The following MANBA variants were observed in gnomAD, a reference collection of about 807,000 sequenced individuals.
MANBA encodes mannosidase beta.
MANBA carries 83 observed loss-of-function variants against 111.1 expected under a neutral mutation model. The observed-to-expected ratio is 0.75, with a 90% CI of 0.63 to 0.90. The LOEUF (loss-of-function observed/expected upper bound fraction) is 0.90. Among genes scored for constraint, MANBA ranks in the 40% least tolerant of loss-of-function variants. The pLI, the probability that MANBA is intolerant of heterozygous loss-of-function variation, is 0.00. For missense variants in MANBA, 1,036 were observed against 1,069.0 expected, an observed-to-expected ratio of 0.97 and a Z score of 0.43; for synonymous variants, 370 against 378.7, an observed-to-expected ratio of 0.98 and a Z score of 0.27.
chr4:102,660,434 T>C (rs990597397), intron 11 of MANBA, among the ~76,000 whole-genome samples: 4 of 152,146 alleles, frequency 2.6e-5, no homozygotes, highest in Non-Finnish European at 5.9e-5. Context: ...ACTTACATAA[T>C]TAACTTTTTA....
intron 7 of MANBA, among the ~76,000 whole-genome samples, chr4:102,689,348 CAAAAA>C (rs35110858): frequency 1.0e-4 from 13 of 130,470 alleles, no homozygotes; most frequent in African/African-American, 3.5e-4. Flanking sequence ...GACTCTGTCT[CAAAAA>C]AAAAAAATAT....
chr4:102,738,872 A>G (rs1723307723), intron 1 of MANBA, among the ~76,000 whole-genome samples: 1 of 152,210 alleles, frequency 6.6e-6, no homozygotes, highest in African/African-American at 2.4e-5. Flanking sequence ...GATATGAATG[A>G]AAAGGTCTCC....
rs1431359303 is a variant in MANBA, at chr4:102,649,192, T to G, written c.1869+1345A>C. 2.0e-5 allele frequency among the ~76,000 whole-genome samples: 3 copies of G among 152,180 alleles called. No individual in the cohort carries two copies. The East Asian group carries it at 5.8e-4, about 29-fold the overall frequency. ...TAGGTTGTTTCTACTTTGGGGCTAT[T>G]GTGAATAATGCTGCTATGAACATTA... On this transcript the variant is annotated intron_variant, in intron 13 of 16. Coordinates refer to ENST00000647097, the MANE Select transcript of MANBA (RefSeq NM_005908.4).
chr4:102,742,841 G>T (rs1417802615), intron 1 of MANBA, among the ~76,000 whole-genome samples: 4 of 152,236 alleles, frequency 2.6e-5, no homozygotes, highest in African/African-American at 9.6e-5. Flanking sequence ...CCTGCCACCA[G>T]GTAGCTGGCT....
chr4:102,710,836 C>G (rs1230311741), intron 5 of MANBA, among the ~76,000 whole-genome samples: 1 of 152,094 alleles, frequency 6.6e-6, no homozygotes, highest in African/African-American at 2.4e-5. Context: ...GCATCTTGGT[C>G]AGAGAACATG....
intron 5 of MANBA, among the ~76,000 whole-genome samples, chr4:102,694,253 C>A (rs981046766): frequency 6.6e-6 from 1 of 152,102 alleles, no homozygotes; most frequent in African/African-American, 2.4e-5. Context: ...GATCTACAAG[C>A]CTACAAAGTT....
chr4:102,687,197 G>A (rs1283776680), intron 7 of MANBA, among the ~76,000 whole-genome samples: 1 of 151,976 alleles, frequency 6.6e-6, no homozygotes, highest in African/African-American at 2.4e-5. Flanking sequence ...GCCTGCTGAG[G>A]TTATATCCTA....
In MANBA at chr4:102,639,808, C is replaced by G; in HGVS notation, c.1919G>C (p.Ser640Thr). The G allele has an allele frequency of 1.9e-6, 3 of 1,614,134 alleles. No homozygotes were observed. Among genetic ancestry groups the G allele is most frequent in the Admixed American group, 1.7e-5 (1 of 60,010 alleles). The stretch of plus-strand genomic sequence containing the variant: ...TTGCTGATCCACTATCTCGCTGCGA[C>G]TACGGCGGTAGAATTCAGTTTCTGT... ...VKTETEFYRRSRSEIVDQQGH... is the reference protein window; with the variant it reads ...VKTETEFYRRTRSEIVDQQGH... The change falls in exon 14 of 17, where the codon AGT (serine) becomes ACT (threonine). Residue 640 changes from serine (S) to threonine (T), a missense_variant. Transcript: ENST00000647097.
chr4:102,656,826 G>A (rs1483067503), intron 12 of MANBA, among the ~76,000 whole-genome samples: 1 of 152,112 alleles, frequency 6.6e-6, no homozygotes, highest in East Asian at 1.9e-4. Flanking sequence ...AGTCTCAAAA[G>A]ACCACACATT....
chr4:102,756,964 C>T (rs1218737698), intron 1 of MANBA, among the ~76,000 whole-genome samples: 2 of 152,158 alleles, frequency 1.3e-5, no homozygotes, highest in Non-Finnish European at 2.9e-5. Flanking sequence ...TGGCCTCCCA[C>T]AAAATAGGAA....
At chr4:102,670,154 CAAA>C (rs70937560) in intron 9 of MANBA, among the ~76,000 whole-genome samples, 3 of 107,960 alleles carry the variant, frequency 2.8e-5, no homozygotes. Flanking sequence ...GACTCCATAT[CAAA>C]AAAAAAAAAA....
intron 5 of MANBA, among the ~76,000 whole-genome samples, chr4:102,701,106 T>C (rs1432454236): frequency 6.6e-6 from 1 of 152,212 alleles, no homozygotes; most frequent in Non-Finnish European, 1.5e-5. Context: ...CCCTTTACCA[T>C]TATGTAATGG....
intron 12 of MANBA, among the ~76,000 whole-genome samples, chr4:102,654,024 G>A (rs1258877841): frequency 2.0e-5 from 3 of 152,114 alleles, no homozygotes; most frequent in African/African-American, 7.2e-5. Context: ...TTTGCCTGAG[G>A]CCCAAAAGGA....
At chr4:102,706,931 A>G (rs921795278) in intron 5 of MANBA, among the ~76,000 whole-genome samples, 2 of 152,204 alleles carry the variant, frequency 1.3e-5, no homozygotes, top group African/African-American at 4.8e-5. Context: ...GACATATGGA[A>G]TACCATAAAG....
chr4:102,727,933 A>G, intron 1 of MANBA: 1 of 467,016 alleles, frequency 2.1e-6, no homozygotes, highest in Non-Finnish European at 4.0e-6. Flanking sequence ...TTGCAAGCAA[A>G]GTCTACTGAG....
At chr4:102,667,523 CT>C (rs1731280132) in intron 10 of MANBA, 1 of 152,036 alleles carries the variant, frequency 6.6e-6, no homozygotes, top group Admixed American at 6.5e-5. Flanking sequence ...TGAAGACACG[CT>C]GAGTTAGTGT....
chr4:102,728,149 G>A (rs1216924142), intron 1 of MANBA: 4 of 538,832 alleles, frequency 7.4e-6, no homozygotes, highest in East Asian at 1.1e-4. Context: ...TATAGATGGC[G>A]TTTCCTGCTA....
chr4:102,734,658 G>T (rs1019476066), intron 1 of MANBA: 1 of 1,364,274 alleles, frequency 7.3e-7, no homozygotes, highest in South Asian at 1.3e-5. Flanking sequence ...AGAGGGCCTT[G>T]GGGACAGCCC....
intron 4 of MANBA, among the ~76,000 whole-genome samples, chr4:102,714,891 T>C (rs1259015921): frequency 2.0e-5 from 3 of 152,214 alleles, no homozygotes; most frequent in Non-Finnish European, 4.4e-5. Flanking sequence ...ACTAGTTGTA[T>C]TGGAATAGGG....
Sources: allele counts gnomAD v4.1 joint callset (sites outside exome capture counted in the v4.1 genomes callset), GRCh38; gene constraint gnomAD v4.1.1; transcripts MANE v1.5; gene names NCBI Gene and HGNC (gene_info 2026-07-23, HGNC 2026-07-21).